Variants in RAB18 observed in about 807,000 individuals in gnomAD.
RAB18 encodes ras-related protein Rab-18.
RAB18 carries 10 observed loss-of-function variants against 28.5 expected under a neutral mutation model. The ratio of observed to expected loss-of-function variants is 0.35; its 90% CI spans 0.22 to 0.60. The LOEUF (loss-of-function observed/expected upper bound fraction) is 0.60, where lower values mean the gene tolerates loss of function less well. RAB18 is among the 20% of genes least tolerant of loss of function. RAB18 has a pLI of 0.78. For missense variants in RAB18, 188 were observed against 244.2 expected, an observed-to-expected ratio of 0.77 and a Z score of 1.53; for synonymous variants, 93 against 86.9, an observed-to-expected ratio of 1.07 and a Z score of -0.39.
intron 6 of RAB18, 43 bp from the exon 7 acceptor site, chr10:27,537,833 A>G (rs1272417121): frequency 3.3e-6 from 5 of 1,526,668 alleles, no homozygotes; most frequent in Non-Finnish European, 4.5e-6. Flanking sequence ...GAATATGGCC[A>G]GAAAGGAATA....
rs1564841417 is a variant in RAB18, at chr10:27,540,889, C to CTCATAAAAG, written c.*2838_*2839insTCATAAAAG. 4 of 454,056 alleles carry CTCATAAAAG rather than the reference C, an allele frequency of 8.8e-6. No homozygotes were observed. Among genetic ancestry groups the CTCATAAAAG allele is most frequent in the Non-Finnish European group, 1.8e-5 (4 of 226,782 alleles). 28.1% of individuals were successfully genotyped at this position (454,056 alleles called of 1,614,324 possible). On this transcript the variant is annotated 3_prime_UTR_variant, in exon 7 of 7. Transcript: ENST00000356940. Reference sequence around the variant, plus strand: ...GATTCTCTACTAAGGGTGGGGCTAGCACCATAGCTCATAAAAGAATCCTTC... The same window carrying CTCATAAAAG: ...GATTCTCTACTAAGGGTGGGGCTAGCTCATAAAAGACCATAGCTCATAAAAGAATCCTTC...
chr10:27,539,716 T>C lies in RAB18; in HGVS notation c.*1665T>C. 1 of 451,928 alleles carries C rather than the reference T, an allele frequency of 2.2e-6. No individual in the cohort carries two copies. The allele number at this position is 451,928 out of a possible 1,614,324, so 28.0% of individuals were successfully genotyped here. ...GTATTGGATTGTTGTCTTGATTTGGTCTAAATTTGAATATATATGAGTTAC... is the reference window on the plus strand; with the variant it reads ...GTATTGGATTGTTGTCTTGATTTGGCCTAAATTTGAATATATATGAGTTAC... On this transcript the variant is annotated 3_prime_UTR_variant, in exon 7 of 7. Coordinates refer to ENST00000356940, the MANE Select transcript of RAB18 (RefSeq NM_021252.5).
chr10:27,538,289 T>C lies in RAB18; in HGVS notation c.*238T>C, dbSNP rs1430751931. On this transcript the variant is annotated 3_prime_UTR_variant, in exon 7 of 7. Coordinates refer to ENST00000356940, the MANE Select transcript of RAB18 (RefSeq NM_021252.5). ...CACAAAATAGGTGTACCTTTATAAGTACATTCAATTTTATGATTTACATTT... is the reference window on the plus strand; with the variant it reads ...CACAAAATAGGTGTACCTTTATAAGCACATTCAATTTTATGATTTACATTT... The C allele has an allele frequency of 1.6e-6, 1 of 629,844 alleles. No homozygotes were observed. Among genetic ancestry groups the C allele is most frequent in the Non-Finnish European group, 2.9e-6 (1 of 341,478 alleles). 39.0% of individuals were successfully genotyped at this position (629,844 alleles called of 1,614,324 possible). A position where few individuals can be genotyped will look rare whatever the true frequency, so the allele number is the denominator to read the frequency against.
At chr10:27,525,564 TTTTG>T (rs977334425) in intron 2 of RAB18, among the ~76,000 whole-genome samples, 12 of 152,324 alleles carry the variant, frequency 7.9e-5, no homozygotes, top group African/African-American at 2.2e-4. Flanking sequence ...ATGTGGGATT[TTTTG>T]TTTGTTTGGC....
intron 3 of RAB18, among the ~76,000 whole-genome samples, chr10:27,528,867 C>G (rs974834440): frequency 4.6e-5 from 7 of 152,022 alleles, no homozygotes; most frequent in African/African-American, 1.7e-4. Context: ...ATCCTTATCT[C>G]TACTGTTATC....
In RAB18 at chr10:27,538,537, C is replaced by T. The variant is rs759566369; in HGVS notation, c.*486C>T. 21 of 454,316 alleles carry T rather than the reference C, an allele frequency of 4.6e-5. No individual in the cohort carries two copies. The highest frequency in any genetic ancestry group is 1.6e-4 in the South Asian group (10 of 64,472). The allele number at this position is 454,316 out of a possible 1,614,324, so 28.1% of individuals were successfully genotyped here. On this transcript the variant is annotated 3_prime_UTR_variant, in exon 7 of 7. Coordinates refer to ENST00000356940, the MANE Select transcript of RAB18 (RefSeq NM_021252.5). ...CAGCTTTTCTGGGATGTTTGAGATT[C>T]TTTTTTAGTACTAAGCAAAATTCTC...
At chr10:27,520,378 CTT>C (rs199699729) in intron 2 of RAB18, among the ~76,000 whole-genome samples, 1 of 146,826 alleles carries the variant, frequency 6.8e-6, no homozygotes, top group Non-Finnish European at 1.5e-5. Flanking sequence ...CTCTCACTCT[CTT>C]TTTTTTTTGA....
intron 2 of RAB18, among the ~76,000 whole-genome samples, chr10:27,517,822 G>T (rs1472067433): frequency 6.6e-6 from 1 of 152,100 alleles, no homozygotes; most frequent in Admixed American, 6.5e-5. Flanking sequence ...CATCCCCAGA[G>T]CTACCTGGTG....
rs1433071795 is a variant in RAB18, at chr10:27,541,560, A to G, written c.*3509A>G. On this transcript the variant is annotated 3_prime_UTR_variant, in exon 7 of 7. Transcript: ENST00000356940. Reference sequence around the variant, plus strand: ...TAAGCACACACACACCTACACACATATTTTGAATAGTCGTGTGTTCATGCC... The same window carrying G: ...TAAGCACACACACACCTACACACATGTTTTGAATAGTCGTGTGTTCATGCC... 2.2e-6 allele frequency: 1 copy of G among 453,482 alleles called. No individual in the cohort carries two copies. The highest frequency in any genetic ancestry group is 4.4e-6 in the Non-Finnish European group (1 of 226,736). The allele number at this position is 453,482 out of a possible 1,614,324, so 28.1% of individuals were successfully genotyped here. A position where few individuals can be genotyped will look rare whatever the true frequency, so the allele number is the denominator to read the frequency against.
chr10:27,534,090 T>C, intron 6 of RAB18, 96 bp downstream of exon 6: 1 of 1,200,250 alleles, frequency 8.3e-7, no homozygotes, highest in Non-Finnish European at 1.2e-6. Context: ...CCATAAAATG[T>C]GTTTAGAGTA....
At chr10:27,516,513 G>A (rs1589567713) in intron 2 of RAB18, among the ~76,000 whole-genome samples, 2 of 150,758 alleles carry the variant, frequency 1.3e-5, no homozygotes, top group Middle Eastern at 6.8e-3. Flanking sequence ...AGCCAAGATC[G>A]CACCACTGCA....
At chr10:27,526,297 A>AT (rs1156932434) in intron 2 of RAB18, among the ~76,000 whole-genome samples, 2 of 152,144 alleles carry the variant, frequency 1.3e-5, no homozygotes, top group Admixed American at 1.3e-4. Flanking sequence ...TAAAAATAGT[A>AT]TTTTTTTAGG....
At chr10:27,506,755 A>C (rs571707022) in intron 1 of RAB18, among the ~76,000 whole-genome samples, 1 of 152,084 alleles carries the variant, frequency 6.6e-6, no homozygotes, top group Non-Finnish European at 1.5e-5. Context: ...ATGACACCCA[A>C]CCGAGGTTCT....
rs764660437 is a variant in RAB18 at position 27,504,330 on chromosome 10, C to CA, written c.-40_-39insA. 3 of 1,555,872 alleles carry CA rather than the reference C, an allele frequency of 1.9e-6. No homozygotes were observed. The highest frequency in any genetic ancestry group is 2.6e-6 in the Non-Finnish European group (3 of 1,150,018). On this transcript the variant is annotated 5_prime_UTR_variant, in exon 1 of 7. Transcript: ENST00000356940. Reference sequence around the variant, plus strand: ...CTCTGCTGAAGGGCTGAGAGGCGCACCCGGGCGGCCAGCTGGGCTCGGAGC... The same window carrying CA: ...CTCTGCTGAAGGGCTGAGAGGCGCACACCGGGCGGCCAGCTGGGCTCGGAGC...
chr10:27,538,669 C>T lies in RAB18; in HGVS notation c.*618C>T, dbSNP rs562999452. ...AAAGAAGCTTGGTATTTTTAATTTACTTCAATGATTAGCTCAGTTGCTTAA... is the reference window on the plus strand; with the variant it reads ...AAAGAAGCTTGGTATTTTTAATTTATTTCAATGATTAGCTCAGTTGCTTAA... On this transcript the variant is annotated 3_prime_UTR_variant, in exon 7 of 7. Coordinates refer to ENST00000356940, the MANE Select transcript of RAB18 (RefSeq NM_021252.5). The T allele has an allele frequency of 2.2e-6, 1 of 453,980 alleles. No individual in the cohort carries two copies. Among genetic ancestry groups the T allele is most frequent in the African/African-American group, 2.0e-5 (1 of 50,064 alleles). 28.1% of individuals were successfully genotyped at this position (453,980 alleles called of 1,614,324 possible).
In RAB18 at chr10:27,541,039, A is replaced by G; in HGVS notation, c.*2988A>G. 2.2e-6 allele frequency: 1 copy of G among 452,630 alleles called. No individual in the cohort carries two copies. 28.0% of individuals were successfully genotyped at this position (452,630 alleles called of 1,614,324 possible). Reference sequence around the variant, plus strand: ...TTTCAAATGAACTCAACAATTCTTCAGGTATTATAGATCAGAGATCCTCTC... The same window carrying G: ...TTTCAAATGAACTCAACAATTCTTCGGGTATTATAGATCAGAGATCCTCTC... On this transcript the variant is annotated 3_prime_UTR_variant, in exon 7 of 7. Coordinates refer to ENST00000356940, the MANE Select transcript of RAB18 (RefSeq NM_021252.5).
chr10:27,511,875 A>G (rs918855272), intron 2 of RAB18, among the ~76,000 whole-genome samples: 1 of 152,132 alleles, frequency 6.6e-6, no homozygotes, highest in African/African-American at 2.4e-5. Context: ...TCCAACTGTG[A>G]TGGTTATCAA....
intron 2 of RAB18, among the ~76,000 whole-genome samples, chr10:27,526,183 T>A (rs991792017): frequency 5.3e-5 from 8 of 152,246 alleles, no homozygotes; most frequent in Admixed American, 5.2e-4. Flanking sequence ...TGGGCACTCC[T>A]CTTTCACTTA....
chr10:27,507,248 C>T (rs1337284757), intron 1 of RAB18, among the ~76,000 whole-genome samples: 1 of 150 alleles, frequency 6.7e-3, no homozygotes, highest in East Asian at 0.17. Context: ...TAGTGGATTA[C>T]TTTCTAGTGA....
Sources: allele counts gnomAD v4.1 joint callset (sites outside exome capture counted in the v4.1 genomes callset), GRCh38; gene constraint gnomAD v4.1.1; transcripts MANE v1.5; gene names NCBI Gene and HGNC (gene_info 2026-07-23, HGNC 2026-07-21).